Variants in RAD9B observed in about 807,000 individuals in gnomAD.
RAD9B encodes the protein RAD9 checkpoint clamp component B.
In RAD9B, 41 loss-of-function variants were observed where a neutral mutation model predicts 48.3. That is an observed-to-expected ratio of 0.85 (90% CI 0.66 to 1.10). The LOEUF (loss-of-function observed/expected upper bound fraction) is 1.10. RAD9B is among the 50% of genes least tolerant of loss of function. The pLI is 0.00. For missense variants in RAD9B, 444 were observed against 485.1 expected, an observed-to-expected ratio of 0.92 and a Z score of 0.80; for synonymous variants, 160 against 157.9, an observed-to-expected ratio of 1.01 and a Z score of -0.10.
intron 2 of RAD9B, 82 bp downstream of exon 2, chr12:110,503,958 G>A (rs1282427260): frequency 2.0e-5 from 15 of 734,022 alleles, no homozygotes; most frequent in Non-Finnish European, 3.2e-5. Context: ...TGTTAACTAG[G>A]AAATCCAGAA....
rs1555207801 is a variant in RAD9B at position 110,506,677 on chromosome 12, A to G, written c.372A>G (p.Gln124=). 2.0e-6 allele frequency: 3 copies of G among 1,512,248 alleles called. No homozygotes were observed. The highest frequency in any genetic ancestry group is 2.7e-5 in the African/African-American group (2 of 72,832). 93.7% of individuals were successfully genotyped at this position (1,512,248 alleles called of 1,614,324 possible). A position where few individuals can be genotyped will look rare whatever the true frequency, so the allele number is the denominator to read the frequency against. Residue 124 remains glutamine (Q), a synonymous_variant, in exon 4 of 11, where the codon CAA becomes CAG. Transcript: ENST00000409300. ...TRSDKCKVVI[Q]FFYRHGIKRT... is the part of the protein sequence containing the mutation. ...CTGATAAATGCAAAGTAGTTATTCA[A>G]TTCTTCTACAGACATGGTAGGTATA...
Position 110,530,688 on chromosome 12 carries a change from T to C in RAD9B, c.*35T>C. On this transcript the variant is annotated 3_prime_UTR_variant, in exon 11 of 11. Coordinates refer to ENST00000409300, the MANE Select transcript of RAD9B (RefSeq NM_001286535.2). The stretch of plus-strand genomic sequence containing the variant: ...ATGGCTGAGCTGGGCCCCAGCCCAG[T>C]GACTGGCTCATTTGCCCCTCAAGCA... The C allele has an allele frequency of 6.2e-7, 1 of 1,611,334 alleles. No individual in the cohort carries two copies. The highest frequency in any genetic ancestry group is 8.5e-7 in the Non-Finnish European group (1 of 1,178,396).
chr12:110,509,594 AAGG>A (rs2063400415), intron 4 of RAD9B, among the ~76,000 whole-genome samples: 1 of 152,178 alleles, frequency 6.6e-6, no homozygotes, highest in Non-Finnish European at 1.5e-5. Context: ...GTCTAAGATG[AAGG>A]AGAAGTGTGA....
intron 10 of RAD9B, among the ~76,000 whole-genome samples, chr12:110,523,214 T>C (rs2063836724): frequency 6.6e-6 from 1 of 152,076 alleles, no homozygotes; most frequent in Non-Finnish European, 1.5e-5. Flanking sequence ...GGAGGGAAGA[T>C]CTCTTGAGCT....
At chr12:110,512,725 A>G in intron 4 of RAD9B, 54 bp from the exon 5 acceptor site, 1 of 762,580 alleles carries the variant, frequency 1.3e-6, no homozygotes, top group Non-Finnish European at 2.2e-6. Context: ...AGACTTCTTT[A>G]ATTTGTTAGT....
chr12:110,527,044 C>A lies in RAD9B; in HGVS notation c.1126-3481C>A, dbSNP rs571436332. Among the ~76,000 whole-genome samples, 209 of 152,194 alleles carry A rather than the reference C, an allele frequency of 1.4e-3. 1 individual carries two copies. The highest frequency in any genetic ancestry group is 6.8e-3 in the Middle Eastern group (2 of 294). ...ACATGAATTGAGTATCTTACAGTTC[C>A]AAAGGTCGGAAGTCCTAATTGGGTC... On this transcript the variant is annotated intron_variant, in intron 10 of 10. Coordinates refer to ENST00000409300, the MANE Select transcript of RAD9B (RefSeq NM_001286535.2).
chr12:110,519,702 CT>C, intron 8 of RAD9B, 91 bp from the exon 9 acceptor site: 2 of 1,428,130 alleles, frequency 1.4e-6, no homozygotes, highest in African/African-American at 2.9e-5. Flanking sequence ...TCCCCTGTTT[CT>C]TTTTAGTCCA....
At chr12:110,503,932 C>A in intron 2 of RAD9B, 56 bp downstream of exon 2, 1 of 1,054,320 alleles carries the variant, frequency 9.5e-7, no homozygotes, top group Non-Finnish European at 1.4e-6. Context: ...GTTTAAAGAT[C>A]CCAGTCCAGA....
intron 2 of RAD9B, among the ~76,000 whole-genome samples, chr12:110,504,216 C>A (rs946530101): frequency 7.3e-5 from 11 of 151,408 alleles, no homozygotes; most frequent in Non-Finnish European, 1.6e-4. Flanking sequence ...CGCCTGTAAT[C>A]CCAGCACTTT....
At chr12:110,516,834 GTA>G (rs954927935) in intron 6 of RAD9B, among the ~76,000 whole-genome samples, 1 of 151,228 alleles carries the variant, frequency 6.6e-6, no homozygotes. Flanking sequence ...TAATAAATAT[GTA>G]TATATATATC....
At chr12:110,526,764 C>T (rs2063951010) in intron 10 of RAD9B, among the ~76,000 whole-genome samples, 1 of 151,998 alleles carries the variant, frequency 6.6e-6, no homozygotes, top group Non-Finnish European at 1.5e-5. Flanking sequence ...AAAAAACTAG[C>T]TGGGTGTGGT....
Position 110,532,845 on chromosome 12 carries a change from A to T in RAD9B, c.*2192A>T, listed in dbSNP as rs2064174109. The stretch of plus-strand genomic sequence containing the variant: ...CGCCTAGGAGCAACAGGCTATTCAT[A>T]TAGCCCAGATGTGTAGTAGGCTAGA... On this transcript the variant is annotated 3_prime_UTR_variant, in exon 11 of 11. Transcript: ENST00000409300. Among the ~76,000 whole-genome samples the T allele has an allele frequency of 6.6e-6, 1 of 152,248 alleles. No homozygotes were observed. Among genetic ancestry groups the T allele is most frequent in the Non-Finnish European group, 1.5e-5 (1 of 68,038 alleles).
intron 1 of RAD9B, 37 bp downstream of exon 1, chr12:110,502,420 A>G (rs767628529): frequency 2.2e-5 from 36 of 1,610,138 alleles, no homozygotes; most frequent in Non-Finnish European, 3.1e-5. Context: ...TTTAGCAGAG[A>G]GAAAAGCAGA....
In RAD9B at chr12:110,531,628, G is replaced by C; in HGVS notation, c.*975G>C. The C allele has an allele frequency of 1.9e-6, 3 of 1,610,842 alleles. No homozygotes were observed. The highest frequency in any genetic ancestry group is 2.5e-6 in the Non-Finnish European group (3 of 1,178,992). ...GATGCCAAATATTTCTGTATTATCT[G>C]ACATAGAACAGTATCCTCCACTGCC... On this transcript the variant is annotated 3_prime_UTR_variant, in exon 11 of 11. Coordinates refer to ENST00000409300, the MANE Select transcript of RAD9B (RefSeq NM_001286535.2).
chr12:110,522,868 C>T (rs552914357), intron 10 of RAD9B, among the ~76,000 whole-genome samples: 1 of 152,116 alleles, frequency 6.6e-6, no homozygotes, highest in Non-Finnish European at 1.5e-5. Flanking sequence ...ATCACAAATT[C>T]CTTCATAGTG....
At chr12:110,513,029 G>A (rs1375122695) in intron 5 of RAD9B, among the ~76,000 whole-genome samples, 151 bp downstream of exon 5, 4 of 151,234 alleles carry the variant, frequency 2.6e-5, no homozygotes, top group Non-Finnish European at 5.9e-5. Context: ...GCAGTGGCGC[G>A]ATCTTGGCTC....
chr12:110,503,742 C>A, intron 1 of RAD9B, 64 bp from the exon 2 acceptor site: 1 of 1,178,240 alleles, frequency 8.5e-7, no homozygotes, highest in Non-Finnish European at 1.2e-6. Flanking sequence ...CTGAACTAGT[C>A]TTGTGATTTG....
intron 10 of RAD9B, among the ~76,000 whole-genome samples, chr12:110,528,680 T>A (rs1033804900): frequency 6.6e-6 from 1 of 152,254 alleles, no homozygotes; most frequent in Non-Finnish European, 1.5e-5. Context: ...GTAAATTCTG[T>A]TGACCATAAG....
intron 10 of RAD9B, among the ~76,000 whole-genome samples, chr12:110,528,243 A>T (rs1470820664): frequency 6.6e-6 from 1 of 151,424 alleles, no homozygotes; most frequent in Non-Finnish European, 1.5e-5. Flanking sequence ...CTTAGATGAG[A>T]AGTGGAGAGA....
Sources: allele counts gnomAD v4.1 joint callset (sites outside exome capture counted in the v4.1 genomes callset), GRCh38; gene constraint gnomAD v4.1.1; transcripts MANE v1.5; gene names NCBI Gene and HGNC (gene_info 2026-07-23, HGNC 2026-07-21).